Variants in CARF observed in about 807,000 individuals in gnomAD.
CARF encodes the protein calcium-responsive transcription factor.
A neutral mutation model predicts 82.0 loss-of-function variants in CARF; 57 were observed. The ratio of observed to expected loss-of-function variants is 0.70; its 90% confidence interval spans 0.56 to 0.87. The LOEUF is 0.87. Ranked by LOEUF, CARF falls within the 40% of genes least tolerant of loss-of-function variation. CARF has a pLI of 0.00. For missense variants in CARF, 771 were observed against 855.8 expected (o/e 0.90, Z 1.24); for synonymous variants, 268 against 290.1 (o/e 0.92, Z 0.77).
intron 5 of CARF, among the ~76,000 whole-genome samples, chr2:202,946,358 A>ATCT (rs775629666): frequency 4.6e-5 from 7 of 152,212 alleles, no homozygotes; most frequent in Non-Finnish European, 1.0e-4. Context: ...ATCTACAACC[A>ATCT]TCTGATCTTT....
chr2:202,952,677 G>A lies in CARF; in HGVS notation c.425G>A (p.Arg142Gln), dbSNP rs778050175. 3.7e-6 allele frequency: 6 copies of A among 1,610,784 alleles called. No homozygotes were observed. Among genetic ancestry groups the A allele is most frequent in the Admixed American group, 1.7e-5 (1 of 59,848 alleles). ...CAACTTGTGGATGTGAATAGTCCTC[G>A]GGGTGAGTAACAACGGGATATAGGG... is the stretch of plus-strand genomic sequence containing the variant. The part of the protein sequence containing the change: ...QGQLVDVNSP[R>Q]DVPEEKPSNR... Residue 142 changes from arginine to glutamine, a missense_variant and splice_region_variant, in exon 6 of 17, where the codon CGG becomes CAG. Arg to Gln is a conservative substitution (Grantham distance 43). Coordinates refer to ENST00000438828, the MANE Select transcript of CARF (RefSeq NM_024744.17).
chr2:202,951,556 G>C (rs1482642891), intron 5 of CARF, among the ~76,000 whole-genome samples: 1 of 152,082 alleles, frequency 6.6e-6, no homozygotes, highest in African/African-American at 2.4e-5. Flanking sequence ...GGAAGCATCA[G>C]ATAGACTTAA....
chr2:202,945,498 G>T (rs2058454060), intron 5 of CARF, among the ~76,000 whole-genome samples: 1 of 151,604 alleles, frequency 6.6e-6, no homozygotes, highest in African/African-American at 2.4e-5. Context: ...ATTGTCTGTT[G>T]TTCCCTTCTT....
intron 1 of CARF, among the ~76,000 whole-genome samples, chr2:202,914,553 T>C (rs373340673): frequency 0.088 from 13,354 of 151,254 alleles, 722 homozygotes; most frequent in Non-Finnish European, 0.12. Context: ...CTGAGGCGGG[T>C]GGAGCACCTG....
In CARF at chr2:202,984,863, C is replaced by T. The variant is rs1422740781; in HGVS notation, c.*1239C>T. 1 of 152,080 alleles carries T rather than the reference C, an allele frequency of 6.6e-6. No homozygotes were observed. The highest frequency in any genetic ancestry group is 1.5e-5 in the Non-Finnish European group (1 of 68,064). The allele number at this position is 152,080 out of a possible 1,614,324, so 9.4% of individuals were successfully genotyped here. A position where few individuals can be genotyped will look rare whatever the true frequency, so the allele number is the denominator to read the frequency against. On this transcript the variant is annotated 3_prime_UTR_variant, in exon 17 of 17. Coordinates refer to ENST00000438828, the MANE Select transcript of CARF (RefSeq NM_024744.17). ...CTGAGGTCAGGAGTTCGAGACCAGC[C>T]TGGCCAACGTGGTGAAACCCTGTTT...
At chr2:202,964,674 T>C (rs1210423343) in intron 9 of CARF, among the ~76,000 whole-genome samples, 3 of 151,942 alleles carry the variant, frequency 2.0e-5, no homozygotes, top group Non-Finnish European at 4.4e-5. Context: ...AGAAACCCCA[T>C]GACTCTAGGT....
rs191092591 is a variant in CARF at position 202,930,707 on chromosome 2, G to A, written c.-44+6292G>A. On this transcript the variant is annotated intron_variant, in intron 3 of 16. Transcript: ENST00000438828. ...TGTTTTGAAAAATTTTTGGCAACTC[G>A]TAGCCTTTTTATCATTAGAATCTGT... Among the ~76,000 whole-genome samples the A allele has an allele frequency of 8.6e-5, 13 of 152,044 alleles. No individual in the cohort carries two copies. In the South Asian group the frequency reaches 2.1e-3, roughly 24 times the overall value.
intron 3 of CARF, among the ~76,000 whole-genome samples, chr2:202,934,756 A>G (rs1400800096): frequency 1.3e-5 from 2 of 152,030 alleles, no homozygotes; most frequent in Non-Finnish European, 2.9e-5. Flanking sequence ...CACCTGGCCT[A>G]AAAGTTTTTA....
rs575337249 is a variant in CARF at position 202,937,317 on chromosome 2, A to G, written c.-43-4543A>G. Among the ~76,000 whole-genome samples, 13 of 152,268 alleles carry G rather than the reference A, an allele frequency of 8.5e-5. No individual in the cohort carries two copies. The South Asian group carries it at 2.7e-3, about 32-fold the overall frequency. On this transcript the variant is annotated intron_variant, in intron 3 of 16. Coordinates refer to ENST00000438828, the MANE Select transcript of CARF (RefSeq NM_024744.17). ...AGTATTTTATTTCTGTCCTTAAAAC[A>G]CACATACAAAATTACAATATTGAGA...
Position 202,952,611 on chromosome 2 carries a change from C to T in CARF, c.359C>T (p.Pro120Leu). The change falls in exon 6 of 17, where the codon CCT (proline) becomes CTT (leucine). Residue 120 changes from proline (P) to leucine (L), a missense_variant. Pro to Leu is a moderately conservative substitution (Grantham distance 98, BLOSUM62 -3). Coordinates refer to ENST00000438828, the MANE Select transcript of CARF (RefSeq NM_024744.17). ...GGACAGGTACTTCGTGTAATTCCACCTACCCAGACAGGAATGGCACAAGTG... is the reference window on the plus strand; with the variant it reads ...GGACAGGTACTTCGTGTAATTCCACTTACCCAGACAGGAATGGCACAAGTG... ...ENGQVLRVIP[P>L]TQTGMAQVII... 1 of 1,613,580 alleles carries T rather than the reference C, an allele frequency of 6.2e-7. No homozygotes were observed. Among genetic ancestry groups the T allele is most frequent in the Non-Finnish European group, 8.5e-7 (1 of 1,179,854 alleles).
intron 8 of CARF, among the ~76,000 whole-genome samples, chr2:202,956,219 T>G (rs905885448): frequency 3.9e-5 from 6 of 152,100 alleles, no homozygotes; most frequent in African/African-American, 2.4e-5. Context: ...GATTTTCAAG[T>G]CCGTATCACC....
chr2:202,925,414 C>T (rs1015147985), intron 3 of CARF: 2 of 294,172 alleles, frequency 6.8e-6, no homozygotes, highest in African/African-American at 4.4e-5. Flanking sequence ...AAATGGCATC[C>T]TTGCCGAGGT....
chr2:202,964,128 C>A (rs1272988268), intron 9 of CARF, among the ~76,000 whole-genome samples: 1 of 152,100 alleles, frequency 6.6e-6, no homozygotes, highest in African/African-American at 2.4e-5. Context: ...CCTGAAAAAA[C>A]CGTTTTCTGA....
intron 6 of CARF, among the ~76,000 whole-genome samples, chr2:202,953,481 A>G (rs1388271719): frequency 1.2e-5 from 1 of 83,760 alleles, no homozygotes; most frequent in Non-Finnish European, 2.4e-5. Context: ...TAATATGCCT[A>G]TTACTCTTTT....
intron 3 of CARF, among the ~76,000 whole-genome samples, chr2:202,927,001 G>T (rs907440155): frequency 6.6e-6 from 1 of 152,032 alleles, no homozygotes; most frequent in African/African-American, 2.4e-5. Flanking sequence ...TTTTTGTAGA[G>T]ATAAGGTTTC....
At chr2:202,939,577 C>G (rs1469904734) in intron 3 of CARF, among the ~76,000 whole-genome samples, 2 of 150,938 alleles carry the variant, frequency 1.3e-5, no homozygotes, top group Non-Finnish European at 2.9e-5. Flanking sequence ...ATTTTATGTT[C>G]TGTTTTTGCT....
Position 202,941,858 on chromosome 2 carries a change from A to G in CARF, c.-43-2A>G. ...GTTGATCAGCTATTTAAACTCTTTC[A>G]GCTATTAAATAATAGAAGAAAATGG... On this transcript the variant is annotated splice_acceptor_variant, in intron 3 of 16. Coordinates refer to ENST00000438828, the MANE Select transcript of CARF (RefSeq NM_024744.17). LOFTEE classifies it low-confidence loss of function (5UTR_SPLICE). 4.1e-6 allele frequency: 6 copies of G among 1,472,046 alleles called. No individual in the cohort carries two copies. The highest frequency in any genetic ancestry group is 1.8e-4 in the Middle Eastern group (1 of 5,706). 91.2% of individuals were successfully genotyped at this position (1,472,046 alleles called of 1,614,324 possible). A position where few individuals can be genotyped will look rare whatever the true frequency, so the allele number is the denominator to read the frequency against.
intron 16 of CARF, among the ~76,000 whole-genome samples, chr2:202,983,252 A>G (rs1254164084): frequency 6.6e-6 from 1 of 152,176 alleles, no homozygotes. Context: ...GTTTAGCCCA[A>G]GACCTTCTTA....
At chr2:202,947,907 C>T (rs1041119898) in intron 5 of CARF, among the ~76,000 whole-genome samples, 1 of 152,110 alleles carries the variant, frequency 6.6e-6, no homozygotes, top group Non-Finnish European at 1.5e-5. Flanking sequence ...CTTTTAGTGT[C>T]TTTGTCATGA....
Sources: gnomAD v4.1 joint callset for allele counts (sites outside exome capture counted in the v4.1 genomes callset) on GRCh38, gnomAD v4.1.1 for gene constraint, MANE v1.5 for transcripts, NCBI Gene and HGNC (gene_info 2026-07-23, HGNC 2026-07-21) for gene names.